Variants in PCDH9 observed in about 807,000 individuals in gnomAD.
PCDH9 encodes protocadherin-9.
A neutral mutation model predicts 70.6 loss-of-function variants in PCDH9; 24 were observed. The observed-to-expected ratio is 0.34, with a 90% CI of 0.25 to 0.48. PCDH9 has a LOEUF of 0.48. PCDH9 is among the 20% of genes least tolerant of loss of function. PCDH9 has a pLI of 0.99. For missense variants in PCDH9, 1,281 were observed against 1,503.6 expected (o/e 0.85, Z 2.45); for synonymous variants, 562 against 558.5 (o/e 1.01, Z -0.09).
intron 4 of PCDH9, among the ~76,000 whole-genome samples, chr13:66,505,011 C>T (rs1299815656): frequency 6.6e-6 from 1 of 152,132 alleles, no homozygotes; most frequent in Non-Finnish European, 1.5e-5. Flanking sequence ...ACATCCTACA[C>T]CTTTTCCATA....
At chr13:66,695,219 A>G (rs544927053) in intron 3 of PCDH9, among the ~76,000 whole-genome samples, 1 of 152,306 alleles carries the variant, frequency 6.6e-6, no homozygotes, top group Admixed American at 6.5e-5. Flanking sequence ...TGTTTTAAAT[A>G]ACGAATGTAT....
At chr13:66,480,387 T>G (rs1958815666) in intron 4 of PCDH9, among the ~76,000 whole-genome samples, 1 of 152,194 alleles carries the variant, frequency 6.6e-6, no homozygotes, top group South Asian at 2.1e-4. Context: ...ATTGTTGAAA[T>G]AACAAAATTC....
intron 4 of PCDH9, among the ~76,000 whole-genome samples, chr13:66,404,212 T>A (rs1844285418): frequency 6.6e-6 from 1 of 152,160 alleles, no homozygotes; most frequent in South Asian, 2.1e-4. Flanking sequence ...GGCTTAATTC[T>A]GATAAATAAG....
At chr13:66,654,085 A>G (rs185849398) in intron 3 of PCDH9, among the ~76,000 whole-genome samples, 39 of 152,282 alleles carry the variant, frequency 2.6e-4, no homozygotes, top group African/African-American at 8.7e-4. Context: ...TGAAGTGTCC[A>G]TCAGCACCCA....
chr13:66,835,936 G>A (rs915066574), intron 3 of PCDH9, among the ~76,000 whole-genome samples: 6 of 151,998 alleles, frequency 3.9e-5, no homozygotes, highest in African/African-American at 1.4e-4. Flanking sequence ...TGAGATAAAA[G>A]TTAAAAATCA....
At chr13:66,603,404 A>C (rs2077185680) in intron 4 of PCDH9, among the ~76,000 whole-genome samples, 1 of 152,018 alleles carries the variant, frequency 6.6e-6, no homozygotes, top group Admixed American at 6.6e-5. Context: ...TCATCTTTCT[A>C]AAATCTAAAT....
intron 3 of PCDH9, among the ~76,000 whole-genome samples, chr13:66,808,068 T>C (rs896506338): frequency 6.6e-6 from 1 of 152,156 alleles, no homozygotes; most frequent in African/African-American, 2.4e-5. Flanking sequence ...TAGTTTCCCC[T>C]TCAATTTGCA....
At chr13:66,473,157 T>G (rs1235612153) in intron 4 of PCDH9, among the ~76,000 whole-genome samples, 1 of 152,076 alleles carries the variant, frequency 6.6e-6, no homozygotes, top group Non-Finnish European at 1.5e-5. Flanking sequence ...TTCACAGTGA[T>G]GCTAAATCTT....
intron 3 of PCDH9, among the ~76,000 whole-genome samples, chr13:66,703,157 C>T (rs554286871): frequency 6.6e-6 from 1 of 152,298 alleles, no homozygotes; most frequent in African/African-American, 2.4e-5. Flanking sequence ...ACATTACCCA[C>T]AATTTTAAGA....
At chr13:66,705,150 ATAAC>A (rs2078695505) in intron 3 of PCDH9, among the ~76,000 whole-genome samples, 1 of 152,180 alleles carries the variant, frequency 6.6e-6, no homozygotes, top group Non-Finnish European at 1.5e-5. Context: ...TATGGAAGAG[ATAAC>A]TCAGTTCCTT....
intron 2 of PCDH9, among the ~76,000 whole-genome samples, chr13:67,118,521 A>G (rs8000141): frequency 0.99 from 150,620 of 152,282 alleles, 74,507 homozygotes; most frequent in Middle Eastern, 1. Flanking sequence ...ATGGCATAAT[A>G]GATTTTGTTT....
chr13:66,960,642 AT>A (rs753905342), intron 2 of PCDH9, among the ~76,000 whole-genome samples: 2 of 152,196 alleles, frequency 1.3e-5, no homozygotes, highest in Non-Finnish European at 2.9e-5. Context: ...TATTTTAGCC[AT>A]TGATGTTACA....
intron 4 of PCDH9, among the ~76,000 whole-genome samples, chr13:66,438,978 G>A (rs1251079377): frequency 6.6e-6 from 1 of 152,168 alleles, no homozygotes; most frequent in East Asian, 1.9e-4. Context: ...TAGGCTTAAA[G>A]TAAGGGCAGT....
intron 2 of PCDH9, among the ~76,000 whole-genome samples, chr13:67,176,474 A>G (rs1350372154): frequency 6.6e-6 from 1 of 152,010 alleles, no homozygotes; most frequent in Non-Finnish European, 1.5e-5. Context: ...TTCTACTATA[A>G]AAACACTTAT....
chr13:66,967,271 A>C (rs542614740), intron 2 of PCDH9, among the ~76,000 whole-genome samples: 38 of 152,086 alleles, frequency 2.5e-4, no homozygotes, highest in Non-Finnish European at 3.1e-4. Context: ...GACAGGTGGA[A>C]TTATTCGTAG....
At chr13:66,682,836 G>A (rs1164951110) in intron 3 of PCDH9, among the ~76,000 whole-genome samples, 2 of 152,022 alleles carry the variant, frequency 1.3e-5, no homozygotes, top group African/African-American at 2.4e-5. Context: ...GTGGCATTAG[G>A]ATCCATTCAG....
chr13:66,427,029 G>A (rs1289695650), intron 4 of PCDH9, among the ~76,000 whole-genome samples: 1 of 151,598 alleles, frequency 6.6e-6, no homozygotes, highest in Non-Finnish European at 1.5e-5. Flanking sequence ...ACAAAAAAGG[G>A]AGGAGGTTTT....
intron 4 of PCDH9, among the ~76,000 whole-genome samples, chr13:66,418,387 T>A (rs1191531930): frequency 6.6e-6 from 1 of 152,168 alleles, no homozygotes; most frequent in Non-Finnish European, 1.5e-5. Flanking sequence ...ACCAGCACAA[T>A]GTTGTTTGGT....
chr13:67,088,156 T>C (rs889186160), intron 2 of PCDH9, among the ~76,000 whole-genome samples: 3 of 151,918 alleles, frequency 2.0e-5, no homozygotes, highest in Non-Finnish European at 2.9e-5. Flanking sequence ...AATTTCTGCT[T>C]GGATGGCTTG....
Sources: gnomAD v4.1 joint callset for allele counts (sites outside exome capture counted in the v4.1 genomes callset) on GRCh38, gnomAD v4.1.1 for gene constraint, MANE v1.5 for transcripts, NCBI Gene and HGNC (gene_info 2026-07-23, HGNC 2026-07-21) for gene names.